The following HS3ST3B1 variants were observed in gnomAD, a reference collection of about 807,000 sequenced individuals.
The protein encoded by HS3ST3B1 is heparan sulfate glucosamine 3-O-sulfotransferase 3B1.
HS3ST3B1 carries 13 observed loss-of-function variants against 21.3 expected under a neutral mutation model. The observed-to-expected ratio is 0.61, with a 90% confidence interval of 0.40 to 0.97. The LOEUF (loss-of-function observed/expected upper bound fraction) is 0.97, where lower values mean the gene tolerates loss of function less well. HS3ST3B1 is among the 50% of genes least tolerant of loss of function. The pLI is 0.00. For missense variants in HS3ST3B1, 459 were observed against 554.8 expected, an observed-to-expected ratio of 0.83 and a Z score of 1.73; for synonymous variants, 234 against 254.8, an observed-to-expected ratio of 0.92 and a Z score of 0.78.
intron 1 of HS3ST3B1, among the ~76,000 whole-genome samples, chr17:14,314,246 T>C (rs1597589729): frequency 1.3e-5 from 2 of 152,250 alleles, no homozygotes; most frequent in South Asian, 4.1e-4. Flanking sequence ...CCCGAAATGC[T>C]GGGATTACAG....
intron 1 of HS3ST3B1, among the ~76,000 whole-genome samples, chr17:14,319,302 TA>T (rs1251522546): frequency 2.0e-5 from 3 of 152,192 alleles, no homozygotes; most frequent in Non-Finnish European, 4.4e-5. Flanking sequence ...GGCTTCTCTT[TA>T]CTCAATAAGA....
At chr17:14,321,702 T>C (rs1045388250) in intron 1 of HS3ST3B1, among the ~76,000 whole-genome samples, 2 of 60,452 alleles carry the variant, frequency 3.3e-5, no homozygotes, top group African/African-American at 8.4e-5. Flanking sequence ...CTGATGGCGG[T>C]TGAAAAAAAA....
At position 14,316,565 on chromosome 17, in the gene HS3ST3B1, G is replaced by A. The variant is rs1249673168; in HGVS notation, c.554+14493G>A. Among the ~76,000 whole-genome samples the A allele has an allele frequency of 2.6e-5, 4 of 152,120 alleles. No individual in the cohort carries two copies. In the East Asian group the frequency reaches 5.8e-4, roughly 22 times the overall value. On this transcript the variant is annotated intron_variant, in intron 1 of 1. Transcript: ENST00000360954. The stretch of plus-strand genomic sequence containing the variant: ...TCCACCCTGCCTGGCCCTGTGTGGC[G>A]CTTGTGGTCTGAGTATGTTTTATGC...
intron 1 of HS3ST3B1, among the ~76,000 whole-genome samples, chr17:14,313,126 G>GTATATATATACACATA (rs1909381390): frequency 2.0e-5 from 1 of 48,788 alleles, no homozygotes; most frequent in African/African-American, 9.6e-5. Flanking sequence ...ATATATATGT[G>GTATATATATACACATA]TGTGTGTGTA....
chr17:14,312,120 G>A (rs1174977957), intron 1 of HS3ST3B1, among the ~76,000 whole-genome samples: 2 of 151,856 alleles, frequency 1.3e-5, no homozygotes, highest in Admixed American at 6.6e-5. Context: ...AAATGTCTTA[G>A]CCTCCGTATG....
At chr17:14,338,387 G>C (rs1177821578) in intron 1 of HS3ST3B1, among the ~76,000 whole-genome samples, 1 of 151,662 alleles carries the variant, frequency 6.6e-6, no homozygotes, top group Non-Finnish European at 1.5e-5. Flanking sequence ...GCCTCCCAAA[G>C]TGCTAGGATT....
intron 1 of HS3ST3B1, among the ~76,000 whole-genome samples, chr17:14,334,156 A>T (rs1283819314): frequency 6.6e-6 from 1 of 152,218 alleles, no homozygotes; most frequent in African/African-American, 2.4e-5. Context: ...AAAATGGGAC[A>T]TTGCAGAGGC....
At chr17:14,338,375 T>C (rs373545767) in intron 1 of HS3ST3B1, among the ~76,000 whole-genome samples, 5 of 151,820 alleles carry the variant, frequency 3.3e-5, no homozygotes, top group South Asian at 2.1e-4. Flanking sequence ...CTGCCCACCT[T>C]GGCCTCCCAA....
intron 1 of HS3ST3B1, among the ~76,000 whole-genome samples, chr17:14,308,624 TA>T (rs553852529): frequency 2.0e-5 from 3 of 152,006 alleles, no homozygotes; most frequent in East Asian, 1.9e-4. Flanking sequence ...TTCCGGACAG[TA>T]AAAAAAAGTA....
chr17:14,307,644 T>C (rs1399718408), intron 1 of HS3ST3B1, among the ~76,000 whole-genome samples: 1 of 152,188 alleles, frequency 6.6e-6, no homozygotes, highest in Non-Finnish European at 1.5e-5. Flanking sequence ...GTGGCATTTA[T>C]TTCAAGGTTC....
At chr17:14,335,921 G>A (rs1394107341) in intron 1 of HS3ST3B1, among the ~76,000 whole-genome samples, 1 of 152,158 alleles carries the variant, frequency 6.6e-6, no homozygotes, top group African/African-American at 2.4e-5. Context: ...CTATGCATTT[G>A]TCAAAATTCT....
At chr17:14,302,450 AC>A (rs1261770696) in intron 1 of HS3ST3B1, among the ~76,000 whole-genome samples, 1 of 152,056 alleles carries the variant, frequency 6.6e-6, no homozygotes, top group Non-Finnish European at 1.5e-5. Context: ...GGAGCCCGAG[AC>A]GCTGGGAATG....
At position 14,346,411 on chromosome 17, in the gene HS3ST3B1, C is replaced by T. The variant is rs1910579779; in HGVS notation, c.*765C>T. ...GGATTACAGGCATGCACCACCATGC[C>T]TGGCTAATTTTGTATTTTTAGTAGA... On this transcript the variant is annotated 3_prime_UTR_variant, in exon 2 of 2. Coordinates refer to ENST00000360954, the MANE Select transcript of HS3ST3B1 (RefSeq NM_006041.3). 1 of 152,092 alleles carries T rather than the reference C, an allele frequency of 6.6e-6. No individual in the cohort carries two copies. The highest frequency in any genetic ancestry group is 2.4e-5 in the African/African-American group (1 of 41,340). The allele number at this position is 152,092 out of a possible 1,614,324, so 9.4% of individuals were successfully genotyped here.
chr17:14,331,378 A>T (rs372852373), intron 1 of HS3ST3B1, among the ~76,000 whole-genome samples: 1 of 152,100 alleles, frequency 6.6e-6, no homozygotes, highest in South Asian at 2.1e-4. Flanking sequence ...TTCTGCCCCA[A>T]TGAAAGGGAT....
chr17:14,338,286 C>G (rs1255443090), intron 1 of HS3ST3B1, among the ~76,000 whole-genome samples: 1 of 150,242 alleles, frequency 6.7e-6, no homozygotes, highest in Non-Finnish European at 1.5e-5. Context: ...CCGCCACGCC[C>G]GGCTAATTTT....
chr17:14,314,362 G>C (rs1008997990), intron 1 of HS3ST3B1, among the ~76,000 whole-genome samples: 2 of 152,156 alleles, frequency 1.3e-5, no homozygotes, highest in African/African-American at 4.8e-5. Flanking sequence ...TTTTCACAAG[G>C]CAAACATACA....
chr17:14,324,229 T>C (rs1909741649), intron 1 of HS3ST3B1, among the ~76,000 whole-genome samples: 1 of 152,144 alleles, frequency 6.6e-6, no homozygotes, highest in Non-Finnish European at 1.5e-5. Context: ...CCTAAATTCT[T>C]CCTCACCCCT....
In HS3ST3B1 at chr17:14,301,206, G is replaced by C; in HGVS notation, c.-313G>C. 2.4e-6 allele frequency: 1 copy of C among 425,450 alleles called. No homozygotes were observed. The highest frequency in any genetic ancestry group is 4.1e-6 in the Non-Finnish European group (1 of 241,154). The allele number at this position is 425,450 out of a possible 1,614,324, so 26.4% of individuals were successfully genotyped here. A position where few individuals can be genotyped will look rare whatever the true frequency, so the allele number is the denominator to read the frequency against. ...AGTCTAGAGTGGCCAGGGCGCGAGA[G>C]TGCAACGTCCTCCTGGCCCCGAGCG... On this transcript the variant is annotated 5_prime_UTR_variant, in exon 1 of 2. Coordinates refer to ENST00000360954, the MANE Select transcript of HS3ST3B1 (RefSeq NM_006041.3).
At chr17:14,314,583 T>G (rs1909441654) in intron 1 of HS3ST3B1, among the ~76,000 whole-genome samples, 1 of 152,326 alleles carries the variant, frequency 6.6e-6, no homozygotes, top group South Asian at 2.1e-4. Context: ...ACATGCACAT[T>G]TACTGCCTAT....
Sources: allele counts gnomAD v4.1 joint callset (sites outside exome capture counted in the v4.1 genomes callset), GRCh38; gene constraint gnomAD v4.1.1; transcripts MANE v1.5; gene names NCBI Gene and HGNC (gene_info 2026-07-23, HGNC 2026-07-21).